Variants in GSAP observed in about 807,000 individuals in gnomAD.
GSAP encodes the protein gamma-secretase-activating protein.
In GSAP, 118 loss-of-function variants were observed where a neutral mutation model predicts 131.7. The ratio of observed to expected loss-of-function variants is 0.90; its 90% CI spans 0.77 to 1.04. The LOEUF is 1.04. Among genes scored for constraint, GSAP ranks in the 50% least tolerant of loss-of-function variants. The pLI, the probability that GSAP is intolerant of heterozygous loss-of-function variation, is 0.00. For synonymous variants in GSAP, 381 were observed against 363.4 expected, an observed-to-expected ratio of 1.05 and a Z score of -0.55; for missense variants, 1,019 against 1,013.2, an observed-to-expected ratio of 1.01 and a Z score of -0.08.
At position 77,342,078 on chromosome 7, in the gene GSAP, C is replaced by T. The variant is rs962615303; in HGVS notation, c.1545+7273G>A. On this transcript the variant is annotated intron_variant, in intron 19 of 30. Coordinates refer to ENST00000257626, the MANE Select transcript of GSAP (RefSeq NM_017439.4). ...CCACTGGAAATCAGACTGTCCAACT[C>T]GCCCAGCAGCCACTCCCAGAGCCCC... Among the ~76,000 whole-genome samples, 15 of 152,220 alleles carry T rather than the reference C, an allele frequency of 9.9e-5. 1 individual carries two copies. The highest frequency in any genetic ancestry group is 3.1e-4 in the African/African-American group (13 of 41,462).
chr7:77,313,343 C>T (rs1001167031), intron 28 of GSAP, 145 bp downstream of exon 28: 46 of 588,788 alleles, frequency 7.8e-5, no homozygotes, highest in African/African-American at 1.3e-4. Context: ...GGGCTGGGGA[C>T]GGGTGGGATT....
At chr7:77,330,693 A>C (rs1386922212) in intron 19 of GSAP, 12 of 1,000,860 alleles carry the variant, frequency 1.2e-5, no homozygotes, top group Non-Finnish European at 1.4e-5. Flanking sequence ...TGTATTAAAC[A>C]CACTGAGTCA....
At chr7:77,390,719 G>A (rs916057829) in intron 5 of GSAP, among the ~76,000 whole-genome samples, 11 of 151,512 alleles carry the variant, frequency 7.3e-5, no homozygotes, top group African/African-American at 2.2e-4. Flanking sequence ...AAACCTGCAC[G>A]TTGTGCACAT....
Position 77,329,340 on chromosome 7 carries a change from C to T in GSAP, c.1726G>A (p.Ala576Thr), listed in dbSNP as rs781694106. ...ACCTCTGCTTTCACTTACTTTACTG[C>T]ATTATCAAGAATATTCCTCACGTAT... ...AAYVRNILDN[A>T]VKVISNLEAR... Residue 576 changes from alanine to threonine, a missense_variant, in exon 21 of 31, where the codon GCA (alanine) becomes ACA (threonine). Physicochemically the swap from Ala to Thr is moderately conservative, Grantham distance 58. Coordinates refer to ENST00000257626, the MANE Select transcript of GSAP (RefSeq NM_017439.4). 10 of 1,563,980 alleles carry T rather than the reference C, an allele frequency of 6.4e-6. No individual in the cohort carries two copies. Among genetic ancestry groups the T allele is most frequent in the African/African-American group, 5.4e-5 (4 of 73,634 alleles).
chr7:77,388,665 T>C (rs868730783), intron 5 of GSAP, among the ~76,000 whole-genome samples: 3 of 152,134 alleles, frequency 2.0e-5, no homozygotes, highest in Non-Finnish European at 2.9e-5. Flanking sequence ...CTGTGAAAAA[T>C]AATATACAAA....
intron 12 of GSAP, among the ~76,000 whole-genome samples, chr7:77,372,879 A>G (rs1323220600): frequency 6.6e-6 from 1 of 152,192 alleles, no homozygotes; most frequent in Admixed American, 6.5e-5. Context: ...CTTCAGTGAC[A>G]TGGTCTTAGT....
intron 1 of GSAP, chr7:77,416,011 G>A (rs1028589335): frequency 2.0e-5 from 9 of 440,374 alleles, no homozygotes; most frequent in African/African-American, 4.1e-5. Flanking sequence ...GACCTGGCCC[G>A]GGCTCTGCCC....
rs774489041 is a variant in GSAP, at chr7:77,313,512, G to C, written c.2247C>G (p.Phe749Leu). 1.5e-5 allele frequency: 23 copies of C among 1,573,640 alleles called. No individual in the cohort carries two copies. In the South Asian group the frequency reaches 2.2e-4, roughly 15 times the overall value. The change falls in exon 28 of 31, where the codon TTC becomes TTG. Residue 749 changes from phenylalanine to leucine, a missense_variant. By Grantham distance (22) the Phe-to-Leu change is conservative. Transcript: ENST00000257626. ...CCGGAGGAAGCCGCACAATGATACT[G>C]AATTTCAGTTTTTCATTTTTCTCTG... ...DNTEKNEKLK[F>L]SIIVRLPPLI... is the part of the protein sequence containing the mutation.
chr7:77,341,558 C>T (rs1047842497), intron 19 of GSAP, among the ~76,000 whole-genome samples: 1 of 152,202 alleles, frequency 6.6e-6, no homozygotes, highest in Non-Finnish European at 1.5e-5. Flanking sequence ...TCCGACCTCT[C>T]CCAAATCAGT....
intron 26 of GSAP, among the ~76,000 whole-genome samples, chr7:77,317,001 G>C (rs1044718999): frequency 1.2e-4 from 19 of 152,160 alleles, no homozygotes; most frequent in African/African-American, 3.4e-4. Context: ...AACTCAAACA[G>C]TCATCATTAG....
intron 22 of GSAP, 28 bp downstream of exon 22, chr7:77,328,578 G>A (rs753408395): frequency 1.9e-6 from 3 of 1,602,760 alleles, no homozygotes; most frequent in Non-Finnish European, 2.5e-6. Context: ...CTGGAACCCA[G>A]AAGGCTTTAT....
chr7:77,352,818 G>T, intron 18 of GSAP, 126 bp downstream of exon 18: 1 of 563,284 alleles, frequency 1.8e-6, no homozygotes. Context: ...AAATTCAACT[G>T]AGTTCTTTAT....
At chr7:77,402,300 G>A (rs1801440157) in intron 3 of GSAP, among the ~76,000 whole-genome samples, 1 of 148,564 alleles carries the variant, frequency 6.7e-6, no homozygotes, top group South Asian at 2.1e-4. Context: ...TGTAATCTCA[G>A]CACTTTGGGG....
chr7:77,403,528 A>G (rs891799118), intron 3 of GSAP, among the ~76,000 whole-genome samples: 1 of 152,180 alleles, frequency 6.6e-6, no homozygotes, highest in African/African-American at 2.4e-5. Context: ...AATTAGACAA[A>G]GCCTGTCACA....
At chr7:77,391,818 G>T (rs1799596355) in intron 5 of GSAP, among the ~76,000 whole-genome samples, 1 of 152,174 alleles carries the variant, frequency 6.6e-6, no homozygotes, top group Middle Eastern at 3.2e-3. Context: ...TTGGGCAACA[G>T]AGCAAGACCC....
intron 19 of GSAP, among the ~76,000 whole-genome samples, chr7:77,343,009 C>T (rs1791243622): frequency 6.6e-6 from 1 of 152,158 alleles, no homozygotes; most frequent in African/African-American, 2.4e-5. Flanking sequence ...AAAACAGCTC[C>T]CACACTAGCT....
At chr7:77,326,441 T>C (rs1001623731) in intron 22 of GSAP, 168 bp from the exon 23 acceptor site, 1 of 536,406 alleles carries the variant, frequency 1.9e-6, no homozygotes, top group Non-Finnish European at 3.3e-6. Context: ...GGTGAACTTA[T>C]CAGAGCTGTG....
intron 5 of GSAP, among the ~76,000 whole-genome samples, chr7:77,388,970 A>G (rs912259063): frequency 6.6e-6 from 1 of 152,208 alleles, no homozygotes; most frequent in African/African-American, 2.4e-5. Flanking sequence ...TGAAAATCCT[A>G]GTGACAGGAT....
Position 77,311,100 on chromosome 7 carries a change from A to G in GSAP, c.*258T>C, listed in dbSNP as rs1794300415. On this transcript the variant is annotated 3_prime_UTR_variant, in exon 31 of 31. Coordinates refer to ENST00000257626, the MANE Select transcript of GSAP (RefSeq NM_017439.4). ...TGTGGCCTATTAAGCTACTAGGAAG[A>G]GCATCGTTTATGCCACTGTATGCCT... is the stretch of plus-strand genomic sequence containing the variant. The G allele has an allele frequency of 2.8e-6, 1 of 354,556 alleles. No individual in the cohort carries two copies. 22.0% of individuals were successfully genotyped at this position (354,556 alleles called of 1,614,324 possible).
Sources: gnomAD v4.1 joint callset for allele counts (sites outside exome capture counted in the v4.1 genomes callset) on GRCh38, gnomAD v4.1.1 for gene constraint, MANE v1.5 for transcripts, NCBI Gene and HGNC (gene_info 2026-07-23, HGNC 2026-07-21) for gene names.